Variants in RAB39A observed in about 807,000 individuals in gnomAD.
RAB39A encodes ras-related protein Rab-39A.
A neutral mutation model predicts 20.9 loss-of-function variants in RAB39A; 17 were observed. The observed-to-expected ratio is 0.81, with a 90% CI of 0.56 to 1.22. The LOEUF (loss-of-function observed/expected upper bound fraction) is 1.22, where lower values mean the gene tolerates loss of function less well. Among genes scored for constraint, RAB39A ranks in the 50% most tolerant of loss-of-function variants. RAB39A has a pLI of 0.00. For synonymous variants in RAB39A, 99 were observed against 103.4 expected (o/e 0.96, Z 0.26); for missense variants, 234 against 270.5 (o/e 0.87, Z 0.95).
intron 1 of RAB39A, among the ~76,000 whole-genome samples, chr11:107,939,262 A>AG (rs1555096527): frequency 1.9e-3 from 274 of 146,980 alleles, no homozygotes; most frequent in African/African-American, 6.2e-3. Flanking sequence ...AAAAAAAAAA[A>AG]AGAGAGAGAG....
chr11:107,936,923 G>A (rs1861199574), intron 1 of RAB39A, among the ~76,000 whole-genome samples: 1 of 130,052 alleles, frequency 7.7e-6, no homozygotes, highest in Non-Finnish European at 1.6e-5. Context: ...GACAGAGCGA[G>A]ACTCCCCCTC....
chr11:107,957,281 A>G (rs59314787), intron 1 of RAB39A, among the ~76,000 whole-genome samples: 1 of 152,278 alleles, frequency 6.6e-6, no homozygotes, highest in South Asian at 2.1e-4. Context: ...AAGCAGTTGG[A>G]AGATGACAGC....
chr11:107,931,063 G>A (rs1305038175), intron 1 of RAB39A, among the ~76,000 whole-genome samples: 5 of 148,438 alleles, frequency 3.4e-5, no homozygotes, highest in Non-Finnish European at 5.9e-5. Context: ...TGCAAACTCC[G>A]CCTCCCAGGT....
intron 1 of RAB39A, among the ~76,000 whole-genome samples, chr11:107,937,732 T>G (rs190405636): frequency 2.6e-5 from 4 of 152,178 alleles, no homozygotes; most frequent in Admixed American, 6.5e-5. Flanking sequence ...AACAAGAGTT[T>G]GTGGACTTCC....
chr11:107,934,273 A>T (rs1861169563), intron 1 of RAB39A, among the ~76,000 whole-genome samples: 1 of 152,104 alleles, frequency 6.6e-6, no homozygotes, highest in African/African-American at 2.4e-5. Flanking sequence ...AACCAAAAAA[A>T]AATTTTTTTA....
chr11:107,957,042 CTG>C (rs1352326061), intron 1 of RAB39A, among the ~76,000 whole-genome samples: 1 of 152,004 alleles, frequency 6.6e-6, no homozygotes, highest in African/African-American at 2.4e-5. Flanking sequence ...TTTTAGTGGA[CTG>C]TGTAAATTTC....
chr11:107,946,248 C>A (rs527999129), intron 1 of RAB39A, among the ~76,000 whole-genome samples: 4 of 144,576 alleles, frequency 2.8e-5, no homozygotes, highest in East Asian at 2.0e-4. Flanking sequence ...AAAAAAAAAA[C>A]CTGTCCTTAA....
At chr11:107,951,698 C>T (rs1244370756) in intron 1 of RAB39A, among the ~76,000 whole-genome samples, 3 of 143,864 alleles carry the variant, frequency 2.1e-5, no homozygotes, top group Non-Finnish European at 4.5e-5. Context: ...TAGTTCACTG[C>T]AGCCTTGGAC....
intron 1 of RAB39A, among the ~76,000 whole-genome samples, chr11:107,950,135 G>A (rs12276969): frequency 1.3e-3 from 198 of 151,474 alleles, no homozygotes; most frequent in African/African-American, 4.6e-3. Context: ...AGCCGAGATC[G>A]TGCCACTGCA....
intron 1 of RAB39A, among the ~76,000 whole-genome samples, chr11:107,942,635 T>C (rs1238132281): frequency 6.6e-6 from 1 of 152,166 alleles, no homozygotes; most frequent in Non-Finnish European, 1.5e-5. Context: ...TCATTTCTTA[T>C]ATAATTAATG....
At chr11:107,945,892 T>A (rs978273822) in intron 1 of RAB39A, among the ~76,000 whole-genome samples, 1 of 152,164 alleles carries the variant, frequency 6.6e-6, no homozygotes, top group Non-Finnish European at 1.5e-5. Context: ...GTGAATGTTG[T>A]TATGTTGGAT....
intron 1 of RAB39A, among the ~76,000 whole-genome samples, chr11:107,953,766 A>G (rs1044894754): frequency 6.6e-6 from 1 of 152,160 alleles, no homozygotes; most frequent in East Asian, 1.9e-4. Flanking sequence ...ATGGGGAAAA[A>G]ATACCACCTA....
intron 1 of RAB39A, among the ~76,000 whole-genome samples, chr11:107,942,911 A>G (rs1217210611): frequency 6.6e-6 from 1 of 152,186 alleles, no homozygotes; most frequent in Non-Finnish European, 1.5e-5. Context: ...ACCCAAGTTC[A>G]TTATTATGTT....
intron 1 of RAB39A, among the ~76,000 whole-genome samples, chr11:107,939,481 G>T (rs140541890): frequency 0.021 from 3,152 of 151,104 alleles, 122 homozygotes; most frequent in African/African-American, 0.073. Context: ...CGGGCATGGT[G>T]GCAGGCGCCT....
intron 1 of RAB39A, among the ~76,000 whole-genome samples, chr11:107,934,706 C>T (rs1210531920): frequency 1.3e-5 from 2 of 149,436 alleles, no homozygotes. Flanking sequence ...GCGAGTGGAT[C>T]ACCTGAAGTC....
intron 1 of RAB39A, among the ~76,000 whole-genome samples, chr11:107,940,267 T>A (rs967885096): frequency 2.6e-5 from 4 of 151,274 alleles, no homozygotes; most frequent in Admixed American, 6.6e-5. Flanking sequence ...TTTTTATTAT[T>A]ATTATTATTT....
chr11:107,950,515 C>G (rs1861366797), intron 1 of RAB39A, among the ~76,000 whole-genome samples: 1 of 151,924 alleles, frequency 6.6e-6, no homozygotes, highest in Admixed American at 6.6e-5. Context: ...GCCTGTAATC[C>G]CAGCACTTTC....
intron 1 of RAB39A, among the ~76,000 whole-genome samples, chr11:107,959,380 T>C (rs533579185): frequency 1.3e-5 from 2 of 152,036 alleles, no homozygotes; most frequent in Admixed American, 1.3e-4. Flanking sequence ...AATTCACACA[T>C]ATAAAGATGA....
At chr11:107,942,098 CAAAAAAA>C (rs10537482) in intron 1 of RAB39A, among the ~76,000 whole-genome samples, 1 of 83,752 alleles carries the variant, frequency 1.2e-5, no homozygotes, top group Non-Finnish European at 2.1e-5. Context: ...GATTCCATCT[CAAAAAAA>C]AAAAAAAAAA....
Sources: allele counts gnomAD v4.1 joint callset (sites outside exome capture counted in the v4.1 genomes callset), GRCh38; gene constraint gnomAD v4.1.1; transcripts MANE v1.5; gene names NCBI Gene and HGNC (gene_info 2026-07-23, HGNC 2026-07-21).